Variants in TSHZ3 observed in about 807,000 individuals in gnomAD.
The protein encoded by TSHZ3 is teashirt zinc finger homeobox 3, also known as teashirt homolog 3.
In TSHZ3, 10 loss-of-function variants were observed where a neutral mutation model predicts 64.5. The observed-to-expected ratio is 0.16, with a 90% CI of 0.10 to 0.26. The LOEUF is 0.26. TSHZ3 is among the 10% of genes least tolerant of loss of function. The probability of loss-of-function intolerance (pLI) is 1.00; values close to 1 mark genes in which losing one functional copy is unlikely to be tolerated. For missense variants in TSHZ3, 1,242 were observed against 1,421.7 expected, an observed-to-expected ratio of 0.87 and a Z score of 2.03; for synonymous variants, 608 against 593.1, an observed-to-expected ratio of 1.03 and a Z score of -0.36.
intron 1 of TSHZ3, among the ~76,000 whole-genome samples, chr19:31,256,407 G>C (rs554894088): frequency 1.3e-5 from 2 of 152,252 alleles, no homozygotes; most frequent in Admixed American, 1.3e-4. Context: ...GGTCTCAGGT[G>C]CTCCCAGGCT....
chr19:31,231,214 T>G (rs550434442), intron 3 of TSHZ3, among the ~76,000 whole-genome samples: 1 of 152,228 alleles, frequency 6.6e-6, no homozygotes, highest in Non-Finnish European at 1.5e-5. Context: ...GCAAAAGGAT[T>G]ATTGCCTGGG....
In TSHZ3 at chr19:31,220,961, C is replaced by T. The variant is rs117234762; in HGVS notation, n.686+7044G>A. ...CAGGCAAATCCACCAAAAGTAGTTACATAAGAACAGCATAGATGCCAAACT... is the reference window on the plus strand; with the variant it reads ...CAGGCAAATCCACCAAAAGTAGTTATATAAGAACAGCATAGATGCCAAACT... On this transcript the variant is annotated intron_variant and non_coding_transcript_variant, in intron 4 of 6. Transcript: ENST00000651361. Among the ~76,000 whole-genome samples the T allele has an allele frequency of 6.6e-5, 10 of 152,304 alleles. No homozygotes were observed. The East Asian group carries it at 1.9e-3, about 29-fold the overall frequency.
chr19:31,224,959 C>T (rs1975440858), intron 4 of TSHZ3, among the ~76,000 whole-genome samples: 1 of 152,142 alleles, frequency 6.6e-6, no homozygotes, highest in Admixed American at 6.6e-5. Context: ...GGCCTAGAAG[C>T]CCCAGGGCCC....
chr19:31,228,262 A>C (rs1378550716), intron 3 of TSHZ3, among the ~76,000 whole-genome samples: 1 of 152,152 alleles, frequency 6.6e-6, no homozygotes, highest in East Asian at 1.9e-4. Flanking sequence ...GTGGTGGCTC[A>C]CACCTGTAAT....
chr19:31,277,944 C>T lies in TSHZ3; in HGVS notation c.1849G>A (p.Val617Ile), dbSNP rs1353821875. The T allele has an allele frequency of 1.9e-6, 3 of 1,614,110 alleles. No individual in the cohort carries two copies. Among genetic ancestry groups the T allele is most frequent in the African/African-American group, 1.3e-5 (1 of 74,938 alleles). The change falls in exon 2 of 2, where the codon GTC becomes ATC. Residue 617 changes from valine to isoleucine, a missense_variant. Val to Ile is a conservative substitution (Grantham distance 29, BLOSUM62 3). Coordinates refer to ENST00000240587, the MANE Select transcript of TSHZ3 (RefSeq NM_020856.4). The surrounding 1 kb of genome is among the most constrained non-coding windows in gnomAD (Gnocchi z 4.5). ...FHAMEELVKKVTEKVAKVEEK... is the reference protein window; with the variant it reads ...FHAMEELVKKITEKVAKVEEK... ...TCCACTTTGGCAACTTTCTCAGTGA[C>T]CTTTTTCACCAGCTCCTCCATGGCA...
intron 1 of TSHZ3, among the ~76,000 whole-genome samples, chr19:31,331,626 G>T (rs1158025961): frequency 2.6e-5 from 4 of 152,166 alleles, no homozygotes; most frequent in Non-Finnish European, 4.4e-5. Flanking sequence ...ACAGAGAGAA[G>T]AAACTACAAA....
intron 4 of TSHZ3, among the ~76,000 whole-genome samples, chr19:31,215,076 TA>T (rs1395169651): frequency 1.3e-5 from 2 of 152,210 alleles, no homozygotes; most frequent in Non-Finnish European, 2.9e-5. Context: ...GTTGGTTGGC[TA>T]TACATCTCCA....
chr19:31,157,433 G>A (rs911926120), intron 5 of TSHZ3, among the ~76,000 whole-genome samples: 5 of 152,096 alleles, frequency 3.3e-5, no homozygotes, highest in African/African-American at 1.2e-4. Flanking sequence ...TGCTCTAAAA[G>A]GTTAGAGCTC....
chr19:31,188,089 G>T (rs1201205624), intron 5 of TSHZ3, among the ~76,000 whole-genome samples: 2 of 151,516 alleles, frequency 1.3e-5, no homozygotes, highest in South Asian at 2.1e-4. Context: ...TTTTCTTGGT[G>T]CATTTTGTAC....
At position 31,314,530 on chromosome 19, in the gene TSHZ3, G is replaced by A. The variant is rs146005015; in HGVS notation, c.40+34650C>T. Reference sequence around the variant, plus strand: ...CATTGTGAATCATTTCTAATGACAGGATTTCACATCCCCTTGTGATACTAC... The same window carrying A: ...CATTGTGAATCATTTCTAATGACAGAATTTCACATCCCCTTGTGATACTAC... On this transcript the variant is annotated intron_variant, in intron 1 of 1. Coordinates refer to ENST00000240587, the MANE Select transcript of TSHZ3 (RefSeq NM_020856.4). 2.7e-3 allele frequency among the ~76,000 whole-genome samples: 404 copies of A among 152,302 alleles called. 4 individuals are homozygous for A. Among genetic ancestry groups the A allele is most frequent in the South Asian group, 0.024 (118 of 4,828 alleles).
chr19:31,220,768 C>T (rs1396711193), intron 4 of TSHZ3, among the ~76,000 whole-genome samples: 1 of 152,106 alleles, frequency 6.6e-6, no homozygotes, highest in East Asian at 1.9e-4. Context: ...AGTCACATGA[C>T]CACACCTCAC....
intron 4 of TSHZ3, among the ~76,000 whole-genome samples, chr19:31,218,979 C>T (rs1330426761): frequency 6.6e-6 from 1 of 152,194 alleles, no homozygotes; most frequent in Non-Finnish European, 1.5e-5. Context: ...CACACTGTGA[C>T]TGTCAGGAGG....
intron 4 of TSHZ3, chr19:31,207,484 C>G (rs1975198132): frequency 6.6e-6 from 1 of 152,030 alleles, no homozygotes; most frequent in Non-Finnish European, 1.5e-5. Flanking sequence ...AACTTTTTTT[C>G]TCTCTTAATT....
intron 5 of TSHZ3, among the ~76,000 whole-genome samples, chr19:31,188,393 C>A (rs1018689598): frequency 6.6e-6 from 1 of 151,862 alleles, no homozygotes; most frequent in Non-Finnish European, 1.5e-5. Flanking sequence ...ACTGGCTAAA[C>A]CCTCCAGTAC....
chr19:31,321,174 G>T (rs1489921019), intron 1 of TSHZ3, among the ~76,000 whole-genome samples: 5 of 152,136 alleles, frequency 3.3e-5, no homozygotes, highest in Admixed American at 6.5e-5. Context: ...TTTCCACCAA[G>T]GCCTGGCCAG....
chr19:31,330,707 G>A (rs921882316), intron 1 of TSHZ3, among the ~76,000 whole-genome samples: 15 of 100,190 alleles, frequency 1.5e-4, no homozygotes, highest in Non-Finnish European at 3.4e-4. Context: ...TTAATCCTTG[G>A]GCGGGGGGAG....
intron 1 of TSHZ3, among the ~76,000 whole-genome samples, chr19:31,289,567 T>C (rs1176927792): frequency 6.6e-6 from 1 of 152,124 alleles, no homozygotes; most frequent in East Asian, 1.9e-4. Flanking sequence ...TCTAGGAAGG[T>C]AGCGGGCAGG....
chr19:31,185,346 C>G (rs748969852), intron 5 of TSHZ3, among the ~76,000 whole-genome samples: 4 of 152,208 alleles, frequency 2.6e-5, no homozygotes, highest in Admixed American at 1.3e-4. Context: ...CTTCCTCACA[C>G]CTTCAAGCTC....
At chr19:31,344,082 C>G (rs1917514459) in intron 1 of TSHZ3, among the ~76,000 whole-genome samples, 1 of 152,162 alleles carries the variant, frequency 6.6e-6, no homozygotes, top group Admixed American at 6.5e-5. Context: ...CTGGATGTAC[C>G]AGTCCATATC....
Sources: allele counts gnomAD v4.1 joint callset (sites outside exome capture counted in the v4.1 genomes callset), GRCh38; gene constraint gnomAD v4.1.1; non-coding constraint Gnocchi (gnomAD v3.1); transcripts MANE v1.5; gene names NCBI Gene and HGNC (gene_info 2026-07-23, HGNC 2026-07-21).